Variants in MTHFD1L observed in about 807,000 individuals in gnomAD.
The protein encoded by MTHFD1L is methylenetetrahydrofolate dehydrogenase (NADP+ dependent) 1 like.
MTHFD1L carries 81 observed loss-of-function variants against 119.5 expected under a neutral mutation model. The observed-to-expected ratio is 0.68, with a 90% CI of 0.57 to 0.82. The LOEUF is 0.82. Among genes scored for constraint, MTHFD1L ranks in the 40% least tolerant of loss-of-function variants. The probability of loss-of-function intolerance (pLI) is 0.00; values close to 1 mark genes in which losing one functional copy is unlikely to be tolerated. For missense variants in MTHFD1L, 1,125 were observed against 1,253.4 expected (o/e 0.90, Z 1.55); for synonymous variants, 430 against 475.2 (o/e 0.90, Z 1.24).
At chr6:151,007,486 C>T (rs1057206829) in intron 20 of MTHFD1L, among the ~76,000 whole-genome samples, 1 of 152,174 alleles carries the variant, frequency 6.6e-6, no homozygotes, top group Non-Finnish European at 1.5e-5. Flanking sequence ...TCTCAGTATG[C>T]ACCAAGAAAA....
At chr6:150,876,449 T>C (rs1232875160) in intron 2 of MTHFD1L, among the ~76,000 whole-genome samples, 1 of 152,236 alleles carries the variant, frequency 6.6e-6, no homozygotes, top group Admixed American at 6.5e-5. Context: ...ACAGGATATA[T>C]CGTGGTCCAT....
intron 13 of MTHFD1L, among the ~76,000 whole-genome samples, chr6:150,941,277 C>T (rs543087649): frequency 5.3e-5 from 8 of 152,206 alleles, no homozygotes; most frequent in African/African-American, 1.7e-4. Flanking sequence ...GCTGGAGCCC[C>T]GTGGGCCAGC....
intron 15 of MTHFD1L, among the ~76,000 whole-genome samples, chr6:150,946,977 G>A (rs997532078): frequency 1.2e-4 from 18 of 151,354 alleles, no homozygotes; most frequent in African/African-American, 4.4e-4. Context: ...CGGGAGGCTG[G>A]GGCAGGAGAA....
At chr6:151,064,781 CTTTTTTTGTTTTTTTTTTG>C (rs1791044163) in intron 26 of MTHFD1L, among the ~76,000 whole-genome samples, 1 of 125,982 alleles carries the variant, frequency 7.9e-6, no homozygotes, top group South Asian at 2.6e-4. Flanking sequence ...TGTTACTATT[CTTTTTTTGTTTTTTTTTTG>C]TTTTTTTGTT....
intron 20 of MTHFD1L, among the ~76,000 whole-genome samples, chr6:151,000,203 G>A (rs1275022155): frequency 6.6e-6 from 1 of 152,082 alleles, no homozygotes; most frequent in Non-Finnish European, 1.5e-5. Context: ...TGAGTGTGAT[G>A]GTGCACAACT....
rs1782935401 is a variant in MTHFD1L at position 151,015,623 on chromosome 6, T to C, written c.2516T>C (p.Val839Ala). 1.2e-6 allele frequency: 2 copies of C among 1,614,138 alleles called. No homozygotes were observed. Among genetic ancestry groups the C allele is most frequent in the Non-Finnish European group, 1.7e-6 (2 of 1,180,030 alleles). ...YHWSVGGKGS[V>A]DLARAVREAA... is the part of the protein sequence containing the mutation. ...TGGTCCGTTGGTGGAAAAGGATCGG[T>C]GGACTTGGCTCGGGCTGTGAGAGAG... The change falls in exon 24 of 28, where the codon GTG becomes GCG. Residue 839 changes from valine to alanine, a missense_variant. Val to Ala is a moderately conservative substitution (Grantham distance 64, BLOSUM62 0). Around this residue, in one of 3 missense-constraint regions of MTHFD1L, gnomAD observed 1,058 missense variants for 1,151.2 expected, o/e 0.92. Transcript: ENST00000367321.
At chr6:151,053,398 A>C (rs1364998916) in intron 26 of MTHFD1L, among the ~76,000 whole-genome samples, 1 of 152,212 alleles carries the variant, frequency 6.6e-6, no homozygotes, top group East Asian at 1.9e-4. Flanking sequence ...ATTCCCAACT[A>C]CAATGCTCAA....
At chr6:150,866,418 C>T in intron 1 of MTHFD1L, 3 of 1,357,618 alleles carry the variant, frequency 2.2e-6, no homozygotes, top group South Asian at 3.5e-5. Context: ...GGGCGGAAAC[C>T]AGGGGAGGGG....
intron 8 of MTHFD1L, among the ~76,000 whole-genome samples, chr6:150,909,052 A>T (rs1786416657): frequency 6.6e-6 from 1 of 152,028 alleles, no homozygotes; most frequent in Admixed American, 6.6e-5. Context: ...GGATGTTGTG[A>T]TTTATGATGA....
In MTHFD1L at chr6:150,956,080, T is replaced by C. The variant is rs371177770; in HGVS notation, c.1803+9T>C. The C allele has an allele frequency of 3.7e-6, 6 of 1,611,714 alleles. No homozygotes were observed. The African/African-American group carries it at 8.0e-5, about 22-fold the overall frequency. ...AGGGCCATTACCGGCAGGTAGGTGG[T>C]GCTTTCTTCCCGGGTGTGGCTCTGT... On this transcript the variant is annotated intron_variant, in intron 17 of 27. Transcript: ENST00000367321.
intron 20 of MTHFD1L, among the ~76,000 whole-genome samples, chr6:150,993,862 C>CA (rs1779375607): frequency 6.6e-6 from 1 of 151,850 alleles, no homozygotes; most frequent in Non-Finnish European, 1.5e-5. Context: ...TTAAGCAAGT[C>CA]TCACCTCTTC....
chr6:150,919,978 A>G (rs927977112), intron 9 of MTHFD1L, among the ~76,000 whole-genome samples: 5 of 152,178 alleles, frequency 3.3e-5, no homozygotes, highest in African/African-American at 1.2e-4. Context: ...AAGATGGCAT[A>G]CTCACATGGC....
intron 26 of MTHFD1L, among the ~76,000 whole-genome samples, chr6:151,049,021 C>T (rs1788555235): frequency 1.3e-5 from 2 of 152,192 alleles, no homozygotes; most frequent in African/African-American, 2.4e-5. Context: ...GCACTAATTG[C>T]AAATCCAGGC....
In MTHFD1L at chr6:150,938,685, G is replaced by T. The variant is rs1310745907; in HGVS notation, c.1394-14G>T. Reference sequence around the variant, plus strand: ...TGGTGACCCGTTTGAAATGCCTCTTGCTCTGTTGTTTAGGAGGAGCCGCGG... The same window carrying T: ...TGGTGACCCGTTTGAAATGCCTCTTTCTCTGTTGTTTAGGAGGAGCCGCGG... On this transcript the variant is annotated splice_polypyrimidine_tract_variant and intron_variant, in intron 12 of 27. Coordinates refer to ENST00000367321, the MANE Select transcript of MTHFD1L (RefSeq NM_015440.5). 6.2e-7 allele frequency: 1 copy of T among 1,607,768 alleles called. No homozygotes were observed. Among genetic ancestry groups the T allele is most frequent in the Non-Finnish European group, 8.5e-7 (1 of 1,177,548 alleles).
At chr6:150,910,432 G>A (rs375228386) in intron 8 of MTHFD1L, among the ~76,000 whole-genome samples, 1 of 149,456 alleles carries the variant, frequency 6.7e-6, no homozygotes, top group Non-Finnish European at 1.5e-5. Context: ...GCATGGTGGC[G>A]CATGCCTGTA....
chr6:150,921,963 A>G (rs550527573), intron 9 of MTHFD1L, among the ~76,000 whole-genome samples: 1 of 152,326 alleles, frequency 6.6e-6, no homozygotes, highest in African/African-American at 2.4e-5. Context: ...AATACTATCA[A>G]ACTCTTCAGT....
At chr6:151,028,294 G>T (rs1299024786) in intron 24 of MTHFD1L, among the ~76,000 whole-genome samples, 1 of 152,230 alleles carries the variant, frequency 6.6e-6, no homozygotes, top group East Asian at 1.9e-4. Context: ...AAGGAAGAAA[G>T]TTTAGTTGGT....
chr6:150,993,341 T>G (rs922132231), intron 20 of MTHFD1L, among the ~76,000 whole-genome samples: 1 of 152,130 alleles, frequency 6.6e-6, no homozygotes, highest in African/African-American at 2.4e-5. Context: ...GGTTTTTTTT[T>G]GGACAGTCTT....
intron 26 of MTHFD1L, among the ~76,000 whole-genome samples, chr6:151,070,765 G>A (rs1791866287): frequency 6.6e-6 from 1 of 152,180 alleles, no homozygotes; most frequent in Non-Finnish European, 1.5e-5. Flanking sequence ...CCCTGATCTA[G>A]AAGAAAAGAG....
Sources: gnomAD v4.1 joint callset for allele counts (sites outside exome capture counted in the v4.1 genomes callset) on GRCh38, gnomAD v4.1.1 for gene constraint, gnomAD v4.1.1 regional missense constraint, MANE v1.5 for transcripts, NCBI Gene and HGNC (gene_info 2026-07-23, HGNC 2026-07-21) for gene names.